The following RBFOX1 variants were observed in gnomAD, a reference collection of about 807,000 sequenced individuals.
The protein encoded by RBFOX1 is RNA binding protein fox-1 homolog 1.
In RBFOX1, 8 loss-of-function variants were observed where a neutral mutation model predicts 57.7. That is an observed-to-expected ratio of 0.14 (90% CI 0.08 to 0.25). RBFOX1 has a LOEUF of 0.25. Ranked by LOEUF, RBFOX1 falls within the 10% of genes least tolerant of loss-of-function variation. The pLI, the probability that RBFOX1 is intolerant of heterozygous loss-of-function variation, is 1.00. For synonymous variants in RBFOX1, 326 were observed against 222.4 expected (o/e 1.47, Z -4.15); for missense variants, 611 against 548.5 (o/e 1.11, Z -1.14).
chr16:7,491,622 G>A (rs147298530), intron 4 of RBFOX1, among the ~76,000 whole-genome samples: 6 of 151,808 alleles, frequency 4.0e-5, no homozygotes, highest in African/African-American at 1.4e-4. Context: ...TGCCTCATTT[G>A]GGCTCTTTAT....
chr16:6,436,511 C>CTTTTTTTTTTTTTTTT, intron 2 of RBFOX1, among the ~76,000 whole-genome samples: 1 of 103,400 alleles, frequency 9.7e-6, no homozygotes. Context: ...TTTTTCTTCA[C>CTTTTTTTTTTTTTTTT]TTTTTTTTTT....
rs564738519 is a variant in RBFOX1, at chr16:6,871,330, C to T, written c.-15-180727C>T. The stretch of plus-strand genomic sequence containing the variant: ...CTTCCTGAGTAGCTGGGATTACAGG[C>T]ATGTGCCATCACGCCTGGCTAATTT... On this transcript the variant is annotated intron_variant, in intron 3 of 15. Coordinates refer to ENST00000550418, the MANE Select transcript of RBFOX1 (RefSeq NM_018723.4). Among the ~76,000 whole-genome samples, 9 of 152,222 alleles carry T rather than the reference C, an allele frequency of 5.9e-5. No individual in the cohort carries two copies. The South Asian group carries it at 6.2e-4, about 11-fold the overall frequency.
intron 3 of RBFOX1, among the ~76,000 whole-genome samples, chr16:6,854,578 G>T (rs2057447590): frequency 8.1e-6 from 1 of 122,978 alleles, no homozygotes. Flanking sequence ...TGCCAACTAG[G>T]AGAGGTGAAT....
chr16:6,796,064 A>G (rs2083949084), intron 3 of RBFOX1, among the ~76,000 whole-genome samples: 1 of 152,146 alleles, frequency 6.6e-6, no homozygotes, highest in Admixed American at 6.5e-5. Flanking sequence ...CAATTTACAA[A>G]AGAAAGAGGT....
intron 3 of RBFOX1, among the ~76,000 whole-genome samples, chr16:6,961,322 T>C (rs2082959326): frequency 6.6e-6 from 1 of 152,200 alleles, no homozygotes; most frequent in South Asian, 2.1e-4. Context: ...GCCATGCAAG[T>C]GGAGCCCCTG....
At chr16:6,810,830 C>A (rs906146021) in intron 3 of RBFOX1, among the ~76,000 whole-genome samples, 3 of 151,992 alleles carry the variant, frequency 2.0e-5, no homozygotes, top group Non-Finnish European at 4.4e-5. Context: ...AACAGTGTGC[C>A]GGGAAAGGTC....
At chr16:6,397,694 A>C (rs75476533) in intron 2 of RBFOX1, among the ~76,000 whole-genome samples, 2 of 152,206 alleles carry the variant, frequency 1.3e-5, no homozygotes, top group Non-Finnish European at 2.9e-5. Context: ...AGATGACATC[A>C]CTGTTTTTTG....
At chr16:7,003,309 A>C (rs1405222530) in intron 3 of RBFOX1, among the ~76,000 whole-genome samples, 1 of 152,036 alleles carries the variant, frequency 6.6e-6, no homozygotes, top group Non-Finnish European at 1.5e-5. Context: ...AAAGTGCAAA[A>C]ATTAGCTGGG....
chr16:7,251,786 C>T (rs1028428030), intron 4 of RBFOX1, among the ~76,000 whole-genome samples: 1 of 152,144 alleles, frequency 6.6e-6, no homozygotes, highest in Non-Finnish European at 1.5e-5. Context: ...AATAATGCTG[C>T]AGTGAACCTG....
At chr16:6,616,869 C>T (rs569613348) in intron 2 of RBFOX1, among the ~76,000 whole-genome samples, 1 of 152,332 alleles carries the variant, frequency 6.6e-6, no homozygotes, top group East Asian at 1.9e-4. Flanking sequence ...CCTCTAGCCT[C>T]TGTCTGTTTA....
At chr16:6,666,082 C>G (rs949297464) in intron 3 of RBFOX1, among the ~76,000 whole-genome samples, 2 of 152,184 alleles carry the variant, frequency 1.3e-5, no homozygotes, top group African/African-American at 4.8e-5. Flanking sequence ...TTCTCTGCCA[C>G]CATATAAAAC....
At chr16:5,662,178 C>T (rs1432004084) in intron 3 of RBFOX1, among the ~76,000 whole-genome samples, 5 of 152,102 alleles carry the variant, frequency 3.3e-5, no homozygotes, top group African/African-American at 9.7e-5. Context: ...AACTGGGATT[C>T]GTATCAAAGT....
Position 6,749,965 on chromosome 16 carries a change from G to GAA in RBFOX1, c.-16+95318_-16+95319dup, listed in dbSNP as rs947795592. ...GTTCAGAGTTAGTAGGCACACAAATGAAAAGATGGTGCTCTCAGAGTTTTA... is the reference window on the plus strand; with the variant it reads ...GTTCAGAGTTAGTAGGCACACAAATGAAAAAAGATGGTGCTCTCAGAGTTTTA... On this transcript the variant is annotated intron_variant, in intron 3 of 15. Coordinates refer to ENST00000550418, the MANE Select transcript of RBFOX1 (RefSeq NM_018723.4). Among the ~76,000 whole-genome samples, 39 of 152,282 alleles carry GAA rather than the reference G, an allele frequency of 2.6e-4. 1 individual carries two copies. Among genetic ancestry groups the GAA allele is most frequent in the African/African-American group, 9.1e-4 (38 of 41,570 alleles).
At chr16:7,588,094 G>A (rs2094225485) in intron 7 of RBFOX1, among the ~76,000 whole-genome samples, 4 of 152,140 alleles carry the variant, frequency 2.6e-5, no homozygotes, top group South Asian at 4.1e-4. Flanking sequence ...CAGGAGAATC[G>A]CTTGCACCCA....
At chr16:6,276,401 C>G (rs1226728762) in intron 1 of RBFOX1, among the ~76,000 whole-genome samples, 2 of 152,142 alleles carry the variant, frequency 1.3e-5, no homozygotes, top group South Asian at 2.1e-4. Context: ...GTGGCACGAT[C>G]TTGGCTCACT....
chr16:7,216,856 CATTT>C (rs1425521604), intron 4 of RBFOX1, among the ~76,000 whole-genome samples: 1 of 151,870 alleles, frequency 6.6e-6, no homozygotes, highest in Non-Finnish European at 1.5e-5. Context: ...AAGTTCTAGT[CATTT>C]ATTCATTCTT....
intron 3 of RBFOX1, among the ~76,000 whole-genome samples, chr16:6,815,684 A>G (rs1437832431): frequency 6.6e-6 from 1 of 152,050 alleles, no homozygotes; most frequent in Non-Finnish European, 1.5e-5. Context: ...TCAAACCTAG[A>G]CTTGTTCAGC....
At chr16:6,602,994 C>A (rs747550332) in intron 2 of RBFOX1, among the ~76,000 whole-genome samples, 1 of 152,058 alleles carries the variant, frequency 6.6e-6, no homozygotes. Context: ...CATCAGTGCA[C>A]CCAAGGAAAA....
At chr16:5,306,248 C>T (rs569879365) in intron 1 of RBFOX1, among the ~76,000 whole-genome samples, 4 of 152,176 alleles carry the variant, frequency 2.6e-5, no homozygotes, top group African/African-American at 9.6e-5. Flanking sequence ...AGACTTAGAA[C>T]CTTCAGTGAT....
Sources: gnomAD v4.1 joint callset for allele counts (sites outside exome capture counted in the v4.1 genomes callset) on GRCh38, gnomAD v4.1.1 for gene constraint, MANE v1.5 for transcripts, NCBI Gene and HGNC (gene_info 2026-07-23, HGNC 2026-07-21) for gene names.